Variants in POLR3E observed in about 807,000 individuals in gnomAD.
POLR3E encodes DNA-directed RNA polymerase III subunit RPC5.
POLR3E carries 41 observed loss-of-function variants against 96.6 expected under a neutral mutation model. That is an observed-to-expected ratio of 0.42 (90% CI 0.33 to 0.55). POLR3E has a LOEUF of 0.55. Among genes scored for constraint, POLR3E ranks in the 20% least tolerant of loss-of-function variants. POLR3E has a pLI of 0.06. For synonymous variants in POLR3E, 396 were observed against 383.6 expected, an observed-to-expected ratio of 1.03 and a Z score of -0.38; for missense variants, 849 against 952.1, an observed-to-expected ratio of 0.89 and a Z score of 1.43.
At chr16:22,319,924 G>C (rs561644991) in intron 13 of POLR3E, among the ~76,000 whole-genome samples, 1 of 152,168 alleles carries the variant, frequency 6.6e-6, no homozygotes, top group South Asian at 2.1e-4. Flanking sequence ...AGTACCCTTT[G>C]TCCTGCCTAC....
intron 10 of POLR3E, 28 bp downstream of exon 10, chr16:22,316,714 C>T: frequency 6.4e-7 from 1 of 1,565,282 alleles, no homozygotes; most frequent in Non-Finnish European, 8.8e-7. Flanking sequence ...AGCATGCAAA[C>T]TGGATGCCTG....
Position 22,309,487 on chromosome 16 carries a change from A to G in POLR3E, c.341A>G (p.Tyr114Cys). The G allele has an allele frequency of 6.2e-7, 1 of 1,613,266 alleles. No individual in the cohort carries two copies. Among genetic ancestry groups the G allele is most frequent in the Non-Finnish European group, 8.5e-7 (1 of 1,179,516 alleles). Residue 114 changes from tyrosine to cysteine, a missense_variant, in exon 6 of 21, where the codon TAT becomes TGT. Transcript: ENST00000299853. ...CAGACCACCAGTAACACATCCCGTT[A>G]TGCCGCTGCACTCTACAGGCAAGGT... is the stretch of plus-strand genomic sequence containing the variant. ...SSQTTSNTSRYAAALYRQGEL... is the reference protein window; with the variant it reads ...SSQTTSNTSRCAAALYRQGEL...
Position 22,325,839 on chromosome 16 carries a change from A to G in POLR3E, c.1427A>G (p.Glu476Gly), listed in dbSNP as rs767775925. The change falls in exon 18 of 21, where the codon GAG (glutamate) becomes GGG (glycine). Residue 476 changes from glutamate (E) to glycine (G), a missense_variant. By Grantham distance (98) the Glu-to-Gly change is moderately conservative. Coordinates refer to ENST00000299853, the MANE Select transcript of POLR3E (RefSeq NM_018119.4). ...GCCCAGCAGAACCACGCGTTGCTGG[A>G]GCGGGAGCTGCAGCGGCGGAAGGAG... ...TKAQQNHALL[E>G]RELQRRKEQL... is the part of the protein sequence containing the mutation. 1 of 1,612,074 alleles carries G rather than the reference A, an allele frequency of 6.2e-7. No homozygotes were observed. Among genetic ancestry groups the G allele is most frequent in the Non-Finnish European group, 8.5e-7 (1 of 1,179,484 alleles).
rs372844036 is a variant in POLR3E at position 22,324,692 on chromosome 16, G to A, written c.1286+32G>A. The A allele has an allele frequency of 9.9e-5, 160 of 1,610,338 alleles. No homozygotes were observed. The Admixed American group carries it at 1.5e-3, about 15-fold the overall frequency. On this transcript the variant is annotated intron_variant, in intron 16 of 20. Coordinates refer to ENST00000299853, the MANE Select transcript of POLR3E (RefSeq NM_018119.4). ...ACCCTGGGCCAGGGAGGGGCAGCCC[G>A]GTGATCCCAGCAACCCTGCATCCTG... is the stretch of plus-strand genomic sequence containing the variant.
chr16:22,330,061 T>G (rs1271040025), intron 19 of POLR3E, among the ~76,000 whole-genome samples: 4 of 151,450 alleles, frequency 2.6e-5, no homozygotes, highest in Non-Finnish European at 4.4e-5. Context: ...TACGCCAGTT[T>G]TTTTTTTTTT....
rs2048398917 is a variant in POLR3E at position 22,318,193 on chromosome 16, A to G, written c.866-633A>G. Among the ~76,000 whole-genome samples the G allele has an allele frequency of 6.6e-6, 1 of 151,926 alleles. No homozygotes were observed. The highest frequency in any genetic ancestry group is 1.9e-4 in the East Asian group (1 of 5,192). On this transcript the variant is annotated intron_variant, in intron 12 of 20. Transcript: ENST00000299853. The surrounding 1 kb of genome is among the most constrained non-coding windows in gnomAD (Gnocchi z 5.0). ...ACTGCAACCTCCGCCTCCCGGGTTC[A>G]AGCAATTCTCATGCCTCAGCCTCTG...
rs151121844 is a variant in POLR3E, at chr16:22,331,136, G to A, written c.1945-924G>A. Among the ~76,000 whole-genome samples, 1,173 of 151,342 alleles carry A rather than the reference G, an allele frequency of 7.8e-3. 5 individuals carry two copies. The highest frequency in any genetic ancestry group is 0.013 in the Non-Finnish European group (882 of 67,864). On this transcript the variant is annotated intron_variant, in intron 19 of 20. Transcript: ENST00000299853. The stretch of plus-strand genomic sequence containing the variant: ...TGGGATTATAGGCGTGTGCCACCAC[G>A]CGTGGCTGATTTTTGTATTTTTAGT...
chr16:22,305,318 GGA>G, intron 3 of POLR3E, 112 bp downstream of exon 3: 1 of 817,486 alleles, frequency 1.2e-6, no homozygotes, highest in Non-Finnish European at 2.2e-6. Context: ...TTCTCGGTGT[GGA>G]GAGTGTCATG....
chr16:22,324,140 G>A (rs968477955), intron 14 of POLR3E, among the ~76,000 whole-genome samples: 2 of 152,058 alleles, frequency 1.3e-5, no homozygotes, highest in African/African-American at 4.8e-5. Flanking sequence ...TGGTCCCCTT[G>A]GAAGAGATGG....
chr16:22,307,990 G>A (rs1251492690), intron 3 of POLR3E, among the ~76,000 whole-genome samples, 158 bp from the exon 4 acceptor site: 1 of 152,168 alleles, frequency 6.6e-6, no homozygotes, highest in African/African-American at 2.4e-5. Flanking sequence ...ACTGGCAGGG[G>A]TGCCTCATGG....
chr16:22,317,665 G>GTTGTTT (rs1555482952), intron 12 of POLR3E, among the ~76,000 whole-genome samples: 1 of 140,800 alleles, frequency 7.1e-6, no homozygotes, highest in African/African-American at 2.7e-5. Context: ...TGTTGTTGTT[G>GTTGTTT]TTTTTTTTTT....
intron 14 of POLR3E, 78 bp downstream of exon 14, chr16:22,323,009 G>A (rs368144968): frequency 3.9e-5 from 38 of 979,506 alleles, no homozygotes; most frequent in African/African-American, 4.8e-5. Context: ...TCTGAAGACC[G>A]GGGCCCGGCA....
chr16:22,327,635 C>T (rs1369114243), intron 18 of POLR3E: 3 of 152,182 alleles, frequency 2.0e-5, no homozygotes, highest in Non-Finnish European at 4.4e-5. Flanking sequence ...ACATCCAAGA[C>T]GTAAGAGACC....
Position 22,324,611 on chromosome 16 carries a change from C to T in POLR3E, c.1237C>T (p.Pro413Ser). The change falls in exon 16 of 21, where the codon CCG (proline) becomes TCG (serine). Residue 413 changes from proline to serine, a missense_variant. Physicochemically the swap from Pro to Ser is moderately conservative, Grantham distance 74. Transcript: ENST00000299853. ...PYDGEFIKKH[P>S]DVVQRQHMLW... ...TGATGGGGAGTTCATCAAGAAGCAC[C>T]CGGATGTGGTCCAGCGGCAGCACAT... The T allele has an allele frequency of 1.2e-6, 2 of 1,613,766 alleles. No homozygotes were observed. The highest frequency in any genetic ancestry group is 1.7e-6 in the Non-Finnish European group (2 of 1,179,914).
intron 18 of POLR3E, 91 bp from the exon 19 acceptor site, chr16:22,328,419 T>C: frequency 9.3e-7 from 1 of 1,077,770 alleles, no homozygotes; most frequent in Non-Finnish European, 1.4e-6. Flanking sequence ...TGTTCCTGCA[T>C]CTGGGCTGGG....
At chr16:22,328,852 G>A (rs1598277120) in intron 19 of POLR3E, 3 of 414,930 alleles carry the variant, frequency 7.2e-6, no homozygotes, top group East Asian at 5.2e-5. Context: ...CAGGCTGGGC[G>A]TAGTGGCTCA....
At chr16:22,328,458 T>C (rs373415165) in intron 18 of POLR3E, 52 bp from the exon 19 acceptor site, 25 of 1,488,212 alleles carry the variant, frequency 1.7e-5, no homozygotes, top group Non-Finnish European at 2.3e-5. Flanking sequence ...GGCAAGCAAA[T>C]GGATCCATGG....
At position 22,334,266 on chromosome 16, in the gene POLR3E, C is replaced by CTGTT; in HGVS notation, c.*568_*571dup. The CTGTT allele has an allele frequency of 6.6e-6, 1 of 152,410 alleles. No individual in the cohort carries two copies. The highest frequency in any genetic ancestry group is 2.1e-4 in the South Asian group (1 of 4,838). 9.4% of individuals were successfully genotyped at this position (152,410 alleles called of 1,614,324 possible). On this transcript the variant is annotated 3_prime_UTR_variant, in exon 21 of 21. Transcript: ENST00000299853. ...AACCTACTTTATGTAGCAGTCTCAA[C>CTGTT]TGTTTACATGAACCATAGCAAAAAA... is the stretch of plus-strand genomic sequence containing the variant.
chr16:22,321,465 T>C (rs969940535), intron 13 of POLR3E, among the ~76,000 whole-genome samples: 9 of 152,270 alleles, frequency 5.9e-5, no homozygotes, highest in African/African-American at 2.2e-4. Flanking sequence ...ACCTTGCGGC[T>C]GTTGTCCTTT....
Sources: gnomAD v4.1 joint callset for allele counts (sites outside exome capture counted in the v4.1 genomes callset) on GRCh38, gnomAD v4.1.1 for gene constraint, Gnocchi (gnomAD v3.1) non-coding constraint, MANE v1.5 for transcripts, NCBI Gene and HGNC (gene_info 2026-07-23, HGNC 2026-07-21) for gene names.